Variants in LRRC9 observed in about 807,000 individuals in gnomAD.
LRRC9 encodes the protein leucine rich repeat containing 9.
LRRC9 carries 122 observed loss-of-function variants against 63.2 expected under a neutral mutation model. The ratio of observed to expected loss-of-function variants is 1.93; its 90% CI spans 1.67 to 2.24. The LOEUF (loss-of-function observed/expected upper bound fraction) is 2.24. Ranked by LOEUF, LRRC9 falls within the 30% of genes most tolerant of loss-of-function variation. LRRC9 has a pLI of 0.00. For missense variants in LRRC9, 1,071 were observed against 627.7 expected (o/e 1.71, Z -7.55); for synonymous variants, 366 against 213.1 (o/e 1.72, Z -6.25).
intron 7 of LRRC9, among the ~76,000 whole-genome samples, chr14:59,940,120 T>C (rs752214044): frequency 2.0e-5 from 3 of 152,060 alleles, no homozygotes; most frequent in Non-Finnish European, 4.4e-5. Context: ...TTCAGTCTTG[T>C]AAACGTCAGG....
At chr14:59,968,048 T>C (rs936066820) in intron 12 of LRRC9, among the ~76,000 whole-genome samples, 1 of 152,040 alleles carries the variant, frequency 6.6e-6, no homozygotes, top group Non-Finnish European at 1.5e-5. Flanking sequence ...GATGAATGGA[T>C]AAACAAAAGT....
rs1889656338 is a variant in LRRC9 at position 60,004,561 on chromosome 14, C to T, written c.2842+763C>T. On this transcript the variant is annotated intron_variant, in intron 21 of 31. Transcript: ENST00000445360. This position sits in a 1 kb window ranked among gnomAD's most constrained non-coding sequence, Gnocchi z 4.8. ...ACCAGAGAGAATAAAAAAGACTTTT[C>T]CTCCCTTTCCCCTTCCAAGCTTCTT... Among the ~76,000 whole-genome samples the T allele has an allele frequency of 6.6e-6, 1 of 151,878 alleles. No individual in the cohort carries two copies. Among genetic ancestry groups the T allele is most frequent in the African/African-American group, 2.4e-5 (1 of 41,378 alleles).
intron 31 of LRRC9, among the ~76,000 whole-genome samples, chr14:60,059,925 A>C (rs1314285723): frequency 1.3e-5 from 2 of 152,242 alleles, no homozygotes. Context: ...CAACAGCCTT[A>C]TATCAGAAGA....
chr14:59,994,800 G>A (rs1253320188), intron 17 of LRRC9, among the ~76,000 whole-genome samples: 1 of 146,122 alleles, frequency 6.8e-6, no homozygotes, highest in Non-Finnish European at 1.5e-5. Context: ...TCACAAGTGG[G>A]AATTGAACAA....
chr14:60,045,864 T>A (rs1169707757), intron 29 of LRRC9, among the ~76,000 whole-genome samples: 1 of 152,224 alleles, frequency 6.6e-6, no homozygotes, highest in Admixed American at 6.5e-5. Flanking sequence ...TCTTCCACAA[T>A]GTTGGAACAA....
rs1200665177 is a variant in LRRC9 at position 60,031,938 on chromosome 14, A to G, written c.3922-57A>G. 5.9e-6 allele frequency: 4 copies of G among 680,946 alleles called. No homozygotes were observed. Among genetic ancestry groups the G allele is most frequent in the African/African-American group, 3.6e-5 (2 of 55,916 alleles). The allele number at this position is 680,946 out of a possible 1,614,324, so 42.2% of individuals were successfully genotyped here. A position where few individuals can be genotyped will look rare whatever the true frequency, so the allele number is the denominator to read the frequency against. On this transcript the variant is annotated intron_variant, in intron 28 of 31. Transcript: ENST00000445360. The surrounding 1 kb of genome is among the most constrained non-coding windows in gnomAD (Gnocchi z 4.6). ...ACATATAATTACTTCAAATTAGTCT[A>G]TATTTTAAGATGTTGAGTCTAACCA...
At chr14:59,940,549 A>G (rs1240002677) in intron 7 of LRRC9, among the ~76,000 whole-genome samples, 1 of 152,124 alleles carries the variant, frequency 6.6e-6, no homozygotes. Context: ...ATGGATTCAA[A>G]TCAGAAGACT....
At position 60,051,720 on chromosome 14, in the gene LRRC9, C is replaced by T. The variant is rs113357110; in HGVS notation, c.3991-1345C>T. Reference sequence around the variant, plus strand: ...ATCTACTGCCTTGCCAGAATCCCGGCGCTGGAGTATATAAAACTTCTGGGT... The same window carrying T: ...ATCTACTGCCTTGCCAGAATCCCGGTGCTGGAGTATATAAAACTTCTGGGT... On this transcript the variant is annotated intron_variant, in intron 29 of 31. Coordinates refer to ENST00000445360, the Ensembl canonical transcript of LRRC9. This position sits in a 1 kb window ranked among gnomAD's most constrained non-coding sequence, Gnocchi z 4.7. Among the ~76,000 whole-genome samples, 447 of 152,316 alleles carry T rather than the reference C, an allele frequency of 2.9e-3. 3 individuals carry two copies. Among genetic ancestry groups the T allele is most frequent in the African/African-American group, 0.01 (429 of 41,570 alleles).
intron 17 of LRRC9, among the ~76,000 whole-genome samples, chr14:59,996,709 C>G (rs1327009284): frequency 6.6e-6 from 1 of 152,146 alleles, no homozygotes; most frequent in Non-Finnish European, 1.5e-5. Context: ...TGGGTATTCT[C>G]ATTGTCTACT....
At chr14:60,066,434 G>C (rs916516009), downstream of LRRC9, among the ~76,000 whole-genome samples, 2 of 151,978 alleles carry the variant, frequency 1.3e-5, no homozygotes, top group African/African-American at 4.8e-5. Context: ...TCTATTAGTA[G>C]AAGCAAGCAC....
intron 7 of LRRC9, among the ~76,000 whole-genome samples, chr14:59,941,563 A>T (rs796613187): frequency 2.6e-5 from 4 of 152,002 alleles, no homozygotes; most frequent in South Asian, 4.1e-4. Flanking sequence ...ATATTAAAAC[A>T]TTATTTGTTG....
intron 7 of LRRC9, among the ~76,000 whole-genome samples, chr14:59,939,076 T>C (rs370872216): frequency 1.1e-3 from 167 of 147,760 alleles, no homozygotes; most frequent in Middle Eastern, 3.6e-3. Flanking sequence ...TATATACACA[T>C]ATATACACAT....
At chr14:59,949,578 AATTGT>A in intron 8 of LRRC9, among the ~76,000 whole-genome samples, 1 of 144,738 alleles carries the variant, frequency 6.9e-6, no homozygotes, top group Non-Finnish European at 1.5e-5. Flanking sequence ...TCTTGCTTTT[AATTGT>A]GATGTTAGGG....
intron 12 of LRRC9, among the ~76,000 whole-genome samples, chr14:59,970,869 T>G (rs1279028625): frequency 6.6e-6 from 1 of 152,206 alleles, no homozygotes; most frequent in Non-Finnish European, 1.5e-5. Context: ...TCTCCCATTC[T>G]GTAGATTGTC....
At chr14:59,953,792 G>T (rs1883425480) in intron 8 of LRRC9, among the ~76,000 whole-genome samples, 1 of 151,930 alleles carries the variant, frequency 6.6e-6, no homozygotes, top group African/African-American at 2.4e-5. Context: ...TTATGGTTTT[G>T]GGTTTTACAT....
chr14:59,946,685 T>A (rs993390065), intron 8 of LRRC9, among the ~76,000 whole-genome samples: 2 of 135,472 alleles, frequency 1.5e-5, no homozygotes, highest in African/African-American at 2.8e-5. Context: ...GTCCCCAGAG[T>A]GTGATATTCC....
At chr14:59,948,389 C>T (rs1039331909) in intron 8 of LRRC9, among the ~76,000 whole-genome samples, 42 of 141,786 alleles carry the variant, frequency 3.0e-4, no homozygotes, top group African/African-American at 1.0e-3. Context: ...AGTTGCTTAT[C>T]AGCTTAAGGA....
At chr14:60,014,557 C>T (rs1890524384) in intron 23 of LRRC9, among the ~76,000 whole-genome samples, 1 of 152,030 alleles carries the variant, frequency 6.6e-6, no homozygotes, top group Non-Finnish European at 1.5e-5. Flanking sequence ...TCTTTCACCA[C>T]TTGAAAATGT....
intron 17 of LRRC9, among the ~76,000 whole-genome samples, chr14:59,987,641 A>G (rs1204167265): frequency 1.3e-5 from 2 of 151,888 alleles, no homozygotes; most frequent in East Asian, 3.9e-4. Flanking sequence ...GGATCCACAG[A>G]TAGGATCAGA....
Sources: allele counts gnomAD v4.1 joint callset (sites outside exome capture counted in the v4.1 genomes callset), GRCh38; gene constraint gnomAD v4.1.1; non-coding constraint Gnocchi (gnomAD v3.1); transcripts MANE v1.5; gene names NCBI Gene and HGNC (gene_info 2026-07-23, HGNC 2026-07-21).